The following UHMK1 variants were observed in gnomAD, a reference collection of about 807,000 sequenced individuals.
UHMK1 encodes serine/threonine-protein kinase Kist.
A neutral mutation model predicts 44.0 loss-of-function variants in UHMK1; 18 were observed. That is an observed-to-expected ratio of 0.41 (90% confidence interval 0.28 to 0.61). UHMK1 has a LOEUF of 0.61. UHMK1 is among the 20% of genes least tolerant of loss of function. The pLI is 0.31. For synonymous variants in UHMK1, 231 were observed against 198.5 expected, an observed-to-expected ratio of 1.16 and a Z score of -1.38; for missense variants, 463 against 522.5, an observed-to-expected ratio of 0.89 and a Z score of 1.11.
intron 2 of UHMK1, chr1:162,500,509 T>G: frequency 2.2e-6 from 1 of 444,480 alleles, no homozygotes; most frequent in Non-Finnish European, 4.0e-6. Flanking sequence ...ATAGAATGGT[T>G]TTTTAAATTT....
In UHMK1 at chr1:162,497,992, C is replaced by G; in HGVS notation, c.-9C>G. 2 of 1,569,070 alleles carry G rather than the reference C, an allele frequency of 1.3e-6. No homozygotes were observed. The highest frequency in any genetic ancestry group is 1.8e-5 in the Admixed American group (1 of 56,192). Reference sequence around the variant, plus strand: ...TCAGCTCCCGTGTCCGTGCCCTTAACCCACACCGATGGCGGGATCCGGCTG... The same window carrying G: ...TCAGCTCCCGTGTCCGTGCCCTTAAGCCACACCGATGGCGGGATCCGGCTG... On this transcript the variant is annotated 5_prime_UTR_variant, in exon 1 of 8. Coordinates refer to ENST00000489294, the MANE Select transcript of UHMK1 (RefSeq NM_175866.5).
intron 6 of UHMK1, among the ~76,000 whole-genome samples, chr1:162,517,659 G>T (rs1344068734): frequency 6.6e-6 from 1 of 152,122 alleles, no homozygotes; most frequent in East Asian, 1.9e-4. Context: ...GGCTGAGGTG[G>T]GCGGATCACA....
At position 162,522,464 on chromosome 1, in the gene UHMK1, A is replaced by G; in HGVS notation, c.1174A>G (p.Arg392Gly). 6.2e-7 allele frequency: 1 copy of G among 1,614,186 alleles called. No individual in the cohort carries two copies. The highest frequency in any genetic ancestry group is 8.5e-7 in the Non-Finnish European group (1 of 1,180,036). ...AGCTGCGCAGAAATTACTGACTGGA[A>G]GGATGTTTGATGGGAAGTTTGTTGT... ...SKAAQKLLTG[R>G]MFDGKFVVAT... The change falls in exon 8 of 8, where the codon AGG becomes GGG. Residue 392 changes from arginine (R) to glycine (G), a missense_variant. This residue lies in a region of UHMK1 where 264 missense variants were observed against 326.3 expected (regional missense o/e 0.81). Transcript: ENST00000489294.
At chr1:162,514,586 CAAAT>C (rs546354348) in intron 6 of UHMK1, among the ~76,000 whole-genome samples, 44 of 152,138 alleles carry the variant, frequency 2.9e-4, no homozygotes, top group Admixed American at 5.2e-4. Context: ...AGTAGGCACT[CAAAT>C]ATTTATTGTA....
At chr1:162,502,472 A>C (rs564971209) in intron 3 of UHMK1, among the ~76,000 whole-genome samples, 7 of 152,284 alleles carry the variant, frequency 4.6e-5, no homozygotes, top group African/African-American at 1.7e-4. Flanking sequence ...TATCCCAAAC[A>C]ATCAAGAGTC....
chr1:162,511,239 G>A (rs1651660200), intron 4 of UHMK1, among the ~76,000 whole-genome samples: 1 of 131,196 alleles, frequency 7.6e-6, no homozygotes. Flanking sequence ...TGCCAAGGTT[G>A]TAGTGCAGTG....
chr1:162,506,906 C>G (rs530872003), intron 4 of UHMK1, among the ~76,000 whole-genome samples: 2 of 151,976 alleles, frequency 1.3e-5, no homozygotes, highest in Non-Finnish European at 2.9e-5. Flanking sequence ...TCTAGATGCC[C>G]AGAGGATTTT....
At chr1:162,498,967 G>T (rs1651165899) in intron 1 of UHMK1, among the ~76,000 whole-genome samples, 1 of 152,090 alleles carries the variant, frequency 6.6e-6, no homozygotes, top group Admixed American at 6.5e-5. Flanking sequence ...TGAAGAGTGA[G>T]TTTTTTTATA....
rs1260645333 is a variant in UHMK1 at position 162,527,233 on chromosome 1, C to T, written c.*4683C>T. On this transcript the variant is annotated 3_prime_UTR_variant, in exon 8 of 8. Coordinates refer to ENST00000489294, the MANE Select transcript of UHMK1 (RefSeq NM_175866.5). Reference sequence around the variant, plus strand: ...TATGTCATGTTCGTTATTGTAGCCACCTCCCTCAGATGTTTTTCACTATTT... The same window carrying T: ...TATGTCATGTTCGTTATTGTAGCCATCTCCCTCAGATGTTTTTCACTATTT... 1 of 151,972 alleles carries T rather than the reference C, an allele frequency of 6.6e-6. No individual in the cohort carries two copies. The highest frequency in any genetic ancestry group is 1.5e-5 in the Non-Finnish European group (1 of 67,936). The allele number at this position is 151,972 out of a possible 1,614,324, so 9.4% of individuals were successfully genotyped here.
At chr1:162,500,565 A>G (rs1323990265) in intron 2 of UHMK1, 2 of 412,228 alleles carry the variant, frequency 4.9e-6, no homozygotes, top group Non-Finnish European at 8.7e-6. Context: ...TGGTCTCTTC[A>G]GTGTTGGGGC....
chr1:162,497,290 C>G (rs761927238), upstream of UHMK1: 1 of 702,622 alleles, frequency 1.4e-6, no homozygotes, highest in South Asian at 1.5e-5. Context: ...TGACCTTAAC[C>G]GGAGAGGTAT....
chr1:162,500,257 A>G lies in UHMK1; in HGVS notation c.561+10A>G. ...CAAAGAAGGCAATCAGGTAAGAAAT[A>G]ACCTTTTCTTTTCTCTCGCAGTTTA... On this transcript the variant is annotated intron_variant, in intron 2 of 7. Coordinates refer to ENST00000489294, the MANE Select transcript of UHMK1 (RefSeq NM_175866.5). 1 of 1,600,734 alleles carries G rather than the reference A, an allele frequency of 6.2e-7. No individual in the cohort carries two copies. The highest frequency in any genetic ancestry group is 1.1e-5 in the South Asian group (1 of 89,686).
At chr1:162,506,805 A>C (rs1436596593) in intron 4 of UHMK1, among the ~76,000 whole-genome samples, 1 of 152,082 alleles carries the variant, frequency 6.6e-6, no homozygotes, top group Non-Finnish European at 1.5e-5. Context: ...TGGAGGTTGC[A>C]GTGAGCTAAG....
intron 3 of UHMK1, among the ~76,000 whole-genome samples, chr1:162,503,400 A>C (rs1198073382): frequency 6.6e-6 from 1 of 152,112 alleles, no homozygotes; most frequent in African/African-American, 2.4e-5. Context: ...ACTTGAGCCC[A>C]AGAGTTTGAG....
rs1000487701 is a variant in UHMK1 at position 162,497,849 on chromosome 1, A to G, written c.-152A>G. 2.9e-6 allele frequency: 4 copies of G among 1,363,530 alleles called. No homozygotes were observed. In the African/African-American group the frequency reaches 6.2e-5, roughly 21 times the overall value. 84.5% of individuals were successfully genotyped at this position (1,363,530 alleles called of 1,614,324 possible). On this transcript the variant is annotated 5_prime_UTR_variant, in exon 1 of 8. An upstream start codon of the reference 5' UTR is lost. Coordinates refer to ENST00000489294, the MANE Select transcript of UHMK1 (RefSeq NM_175866.5). Reference sequence around the variant, plus strand: ...CGGGTGCACCACGGCTTCCGGTGTCATGGCTGCTTGAAGTCCCGGGAGTCG... The same window carrying G: ...CGGGTGCACCACGGCTTCCGGTGTCGTGGCTGCTTGAAGTCCCGGGAGTCG...
chr1:162,501,330 C>T (rs973821192), intron 3 of UHMK1, among the ~76,000 whole-genome samples: 5 of 152,074 alleles, frequency 3.3e-5, no homozygotes, highest in Admixed American at 6.5e-5. Flanking sequence ...CCACCGTACC[C>T]GGCTAATTTT....
At chr1:162,514,330 C>CT (rs1651766288) in intron 6 of UHMK1, among the ~76,000 whole-genome samples, 1 of 151,594 alleles carries the variant, frequency 6.6e-6, no homozygotes, top group Non-Finnish European at 1.5e-5. Flanking sequence ...TACATGATGT[C>CT]TCTCACTTAC....
At chr1:162,509,185 C>A (rs1429805925) in intron 4 of UHMK1, among the ~76,000 whole-genome samples, 3 of 152,204 alleles carry the variant, frequency 2.0e-5, no homozygotes, top group African/African-American at 7.2e-5. Flanking sequence ...AGGGCTCCCT[C>A]TTCTGTTGTT....
chr1:162,499,903 T>C (rs1488756754), intron 1 of UHMK1, 52 bp from the exon 2 acceptor site: 1 of 1,566,834 alleles, frequency 6.4e-7, no homozygotes, highest in East Asian at 2.2e-5. Context: ...CCTACTTTAG[T>C]AGTGACTTAC....
Sources: gnomAD v4.1 joint callset for allele counts (sites outside exome capture counted in the v4.1 genomes callset) on GRCh38, gnomAD v4.1.1 for gene constraint, gnomAD v4.1.1 regional missense constraint, MANE v1.5 for transcripts, NCBI Gene and HGNC (gene_info 2026-07-23, HGNC 2026-07-21) for gene names.